The following DDX31 variants were observed in gnomAD, a reference collection of about 807,000 sequenced individuals.
DDX31 encodes the protein DEAD-box helicase 31.
Under a neutral mutation model 91.3 loss-of-function variants are expected in DDX31, and 70 were observed. The ratio of observed to expected loss-of-function variants is 0.77; its 90% confidence interval spans 0.63 to 0.94. The LOEUF (loss-of-function observed/expected upper bound fraction) is 0.94, where lower values mean the gene tolerates loss of function less well. Among genes scored for constraint, DDX31 ranks in the 40% least tolerant of loss-of-function variants. The probability of loss-of-function intolerance (pLI) is 0.00; values close to 1 mark genes in which losing one functional copy is unlikely to be tolerated. For missense variants in DDX31, 902 were observed against 925.0 expected (o/e 0.98, Z 0.32); for synonymous variants, 362 against 350.6 (o/e 1.03, Z -0.36).
chr9:132,653,494 C>CAAAA (rs71376648), intron 6 of DDX31, among the ~76,000 whole-genome samples: 25 of 20,620 alleles, frequency 1.2e-3, no homozygotes, highest in African/African-American at 1.7e-3. Flanking sequence ...AACTCAGTCT[C>CAAAA]AAAAAAAAAA....
intron 16 of DDX31, among the ~76,000 whole-genome samples, chr9:132,628,487 C>T (rs1054432976): frequency 2.0e-5 from 3 of 152,244 alleles, no homozygotes; most frequent in Non-Finnish European, 1.5e-5. Flanking sequence ...ATACCTGACT[C>T]CCTAATACTT....
At chr9:132,626,137 G>GGA (rs1290730754) in intron 16 of DDX31, among the ~76,000 whole-genome samples, 3 of 124,588 alleles carry the variant, frequency 2.4e-5, no homozygotes, top group East Asian at 4.1e-4. Flanking sequence ...ATACTGAAGA[G>GGA]GAAAAAAAAA....
At chr9:132,630,530 A>G (rs1361924304) in intron 15 of DDX31, 127 bp from the exon 16 acceptor site, 4 of 959,962 alleles carry the variant, frequency 4.2e-6, no homozygotes, top group Admixed American at 3.2e-5. Context: ...TTACCCTAAC[A>G]CAATCACAAG....
chr9:132,660,612 A>G (rs1439636685), intron 4 of DDX31, among the ~76,000 whole-genome samples: 1 of 152,220 alleles, frequency 6.6e-6, no homozygotes, highest in Non-Finnish European at 1.5e-5. Context: ...AATCACTTAA[A>G]TTTGGTTGAT....
At chr9:132,625,126 C>T (rs1832317263) in intron 17 of DDX31, among the ~76,000 whole-genome samples, 1 of 152,170 alleles carries the variant, frequency 6.6e-6, no homozygotes, top group South Asian at 2.1e-4. Context: ...GTGTCCAGGG[C>T]TGCCTGCACC....
At chr9:132,638,401 A>T (rs1833259850) in intron 14 of DDX31, 1 of 1,614,002 alleles carries the variant, frequency 6.2e-7, no homozygotes. Flanking sequence ...CAGATAATCC[A>T]GTGTCTGATA....
chr9:132,606,602 T>C (rs1160233078), intron 19 of DDX31, among the ~76,000 whole-genome samples: 1 of 152,194 alleles, frequency 6.6e-6, no homozygotes, highest in Non-Finnish European at 1.5e-5. Flanking sequence ...TTTCCACTCA[T>C]GATCTGGCTT....
In DDX31 at chr9:132,646,896, T is replaced by C. The variant is rs116018389; in HGVS notation, c.1130A>G (p.Lys377Arg). The change falls in exon 12 of 20, where the codon AAG becomes AGG. Residue 377 changes from lysine (K) to arginine (R), a missense_variant. Lys to Arg is a conservative substitution (Grantham distance 26, BLOSUM62 2). Coordinates refer to ENST00000372159, the MANE Select transcript of DDX31 (RefSeq NM_022779.9). Reference sequence around the variant, plus strand: ...GCTGGGAACCACAGTCACATGCTGCTTGAGACTCTCTGGTATTGCAAAGCT... The same window carrying C: ...GCTGGGAACCACAGTCACATGCTGCCTGAGACTCTCTGGTATTGCAAAGCT... ...LDSFAIPESL[K>R]QHVTVVPSKL... 1,730 of 1,614,180 alleles carry C rather than the reference T, an allele frequency of 1.1e-3. 22 individuals carry two copies. The African/African-American group carries it at 0.021, about 19-fold the overall frequency.
chr9:132,661,435 A>G (rs1268792894), intron 3 of DDX31, among the ~76,000 whole-genome samples, 184 bp from the exon 4 acceptor site: 1 of 152,152 alleles, frequency 6.6e-6, no homozygotes, highest in Non-Finnish European at 1.5e-5. Context: ...CTGGGGACAC[A>G]GGGCAAAGTC....
At position 132,645,997 on chromosome 9, in the gene DDX31, T is replaced by C. The variant is rs1564321298; in HGVS notation, c.1278A>G (p.Leu426=). The change falls in exon 13 of 20, where the codon CTA becomes CTG. Residue 426 remains leucine (L), a synonymous_variant. Coordinates refer to ENST00000372159, the MANE Select transcript of DDX31 (RefSeq NM_022779.9). ...CCCCTGAGCTGCTCAGCAGGGTCTG[T>C]AGGAAGAGGCTGTAGTGGAACTCCA... ...ELVEFHYSLF[L]QTLLSSSGAP... is the part of the protein sequence containing the mutation. The C allele has an allele frequency of 1.9e-6, 3 of 1,614,014 alleles. No homozygotes were observed. The highest frequency in any genetic ancestry group is 1.7e-6 in the Non-Finnish European group (2 of 1,180,000).
intron 14 of DDX31, among the ~76,000 whole-genome samples, chr9:132,637,408 T>A (rs1420681903): frequency 6.6e-6 from 1 of 152,252 alleles, no homozygotes; most frequent in East Asian, 1.9e-4. Flanking sequence ...ATTGGCTGCC[T>A]CCATGAGACC....
chr9:132,649,496 G>A (rs760297179), intron 9 of DDX31, among the ~76,000 whole-genome samples: 4 of 152,184 alleles, frequency 2.6e-5, no homozygotes, highest in Non-Finnish European at 5.9e-5. Context: ...CTTGGTCCCC[G>A]ACACTGGAGC....
At chr9:132,632,192 G>A (rs1363780618) in intron 14 of DDX31, 101 bp from the exon 15 acceptor site, 1 of 895,896 alleles carries the variant, frequency 1.1e-6, no homozygotes, top group Non-Finnish European at 1.6e-6. Flanking sequence ...GAGTTCACCC[G>A]CCCACAGTAC....
intron 16 of DDX31, among the ~76,000 whole-genome samples, chr9:132,629,558 A>G (rs1030369856): frequency 6.6e-6 from 1 of 152,276 alleles, no homozygotes; most frequent in African/African-American, 2.4e-5. Context: ...TTTCATTCCA[A>G]TGAAGAACGT....
At chr9:132,626,817 T>C (rs1380956823) in intron 16 of DDX31, among the ~76,000 whole-genome samples, 1 of 152,070 alleles carries the variant, frequency 6.6e-6, no homozygotes, top group African/African-American at 2.4e-5. Context: ...CCCCCAGCCC[T>C]CACCCCTCAG....
chr9:132,603,695 A>C (rs1157849501), intron 19 of DDX31, among the ~76,000 whole-genome samples: 1 of 152,204 alleles, frequency 6.6e-6, no homozygotes, highest in Non-Finnish European at 1.5e-5. Context: ...ACATCTACTA[A>C]TTCCAGTGCT....
rs138101345 is a variant in DDX31 at position 132,644,304 on chromosome 9, T to C, written c.1380+1591A>G. On this transcript the variant is annotated intron_variant, in intron 13 of 19. Transcript: ENST00000372159. ...ATTCCTGAAAGACAGATAAAAACAA[T>C]AGTAATAAAGGCACTTTAACATCTA... 2.5e-3 allele frequency among the ~76,000 whole-genome samples: 387 copies of C among 152,212 alleles called. 2 individuals are homozygous for C. The highest frequency in any genetic ancestry group is 8.5e-3 in the African/African-American group (353 of 41,532).
chr9:132,625,814 A>C, intron 16 of DDX31, 69 bp from the exon 17 acceptor site: 2 of 1,186,414 alleles, frequency 1.7e-6, no homozygotes, highest in Non-Finnish European at 2.5e-6. Flanking sequence ...TTGATGCACA[A>C]AACTGGCCTA....
intron 18 of DDX31, among the ~76,000 whole-genome samples, chr9:132,614,397 C>T (rs1424402253): frequency 2.6e-5 from 4 of 152,106 alleles, no homozygotes; most frequent in Non-Finnish European, 2.9e-5. Context: ...CAGAGCCCCA[C>T]AGCCAAGCCC....
Sources: allele counts gnomAD v4.1 joint callset (sites outside exome capture counted in the v4.1 genomes callset), GRCh38; gene constraint gnomAD v4.1.1; transcripts MANE v1.5; gene names NCBI Gene and HGNC (gene_info 2026-07-23, HGNC 2026-07-21).